Variants in WWOX observed in about 807,000 individuals in gnomAD.
WWOX encodes WW domain containing oxidoreductase.
WWOX carries 69 observed loss-of-function variants against 46.2 expected under a neutral mutation model. The observed-to-expected ratio is 1.49, with a 90% CI of 1.23 to 1.82. WWOX has a LOEUF of 1.82. Ranked by LOEUF, WWOX falls within the 40% of genes most tolerant of loss-of-function variation. The pLI is 0.00. For synonymous variants in WWOX, 359 were observed against 202.6 expected (o/e 1.77, Z -6.56); for missense variants, 919 against 542.6 (o/e 1.69, Z -6.89).
intron 8 of WWOX, among the ~76,000 whole-genome samples, chr16:78,844,882 C>G (rs1350210319): frequency 6.6e-6 from 1 of 152,172 alleles, no homozygotes; most frequent in African/African-American, 2.4e-5. Flanking sequence ...TGAGCATACA[C>G]CAAAGTGGCC....
At chr16:78,604,158 AAAATT>A (rs775762549) in intron 8 of WWOX, among the ~76,000 whole-genome samples, 5 of 152,098 alleles carry the variant, frequency 3.3e-5, no homozygotes, top group Non-Finnish European at 7.4e-5. Context: ...ATAAATAAAT[AAAATT>A]AGAATCTGAA....
Position 78,735,193 on chromosome 16 carries a change from A to G in WWOX, c.1056+302441A>G, listed in dbSNP as rs2049058111. ...GACATCAGTCTTTTCCTGCCTTCAG[A>G]CTTGAACTGAAGCATCAGCATTTCT... On this transcript the variant is annotated intron_variant, in intron 8 of 8. Transcript: ENST00000566780. Among the ~76,000 whole-genome samples, 4 of 152,034 alleles carry G rather than the reference A, an allele frequency of 2.6e-5. No individual in the cohort carries two copies. The South Asian group carries it at 8.4e-4, about 32-fold the overall frequency.
chr16:79,108,624 G>A (rs528675546), intron 8 of WWOX, among the ~76,000 whole-genome samples: 95 of 152,192 alleles, frequency 6.2e-4, no homozygotes, highest in African/African-American at 2.2e-3. Context: ...ATAGTTATTC[G>A]GGCATGGTGG....
At chr16:78,449,855 G>C (rs1010856764) in intron 8 of WWOX, among the ~76,000 whole-genome samples, 4 of 151,840 alleles carry the variant, frequency 2.6e-5, no homozygotes, top group African/African-American at 9.7e-5. Context: ...GTGTATTGCA[G>C]AATTTGGATT....
chr16:78,690,706 A>G (rs1044455578), intron 8 of WWOX, among the ~76,000 whole-genome samples: 2 of 152,178 alleles, frequency 1.3e-5, no homozygotes, highest in Admixed American at 6.5e-5. Context: ...GGTGCTTTCC[A>G]GTCACAGCCT....
At chr16:78,993,239 A>C in intron 8 of WWOX, among the ~76,000 whole-genome samples, 1 of 146,188 alleles carries the variant, frequency 6.8e-6, no homozygotes. Flanking sequence ...GCCGAGGATA[A>C]CGGCGCCGAA....
chr16:78,959,768 G>A (rs1214751280), intron 8 of WWOX, among the ~76,000 whole-genome samples: 1 of 152,078 alleles, frequency 6.6e-6, no homozygotes, highest in Non-Finnish European at 1.5e-5. Flanking sequence ...TGATGAATCC[G>A]AGACAAGTGA....
intron 8 of WWOX, among the ~76,000 whole-genome samples, chr16:78,677,328 A>G (rs1249067439): frequency 6.6e-6 from 1 of 152,186 alleles, no homozygotes; most frequent in East Asian, 1.9e-4. Context: ...CAGAGGTTGA[A>G]AACTCAATGT....
At chr16:78,595,380 G>C (rs967398454) in intron 8 of WWOX, among the ~76,000 whole-genome samples, 1 of 131,604 alleles carries the variant, frequency 7.6e-6, no homozygotes, top group Admixed American at 8.4e-5. Flanking sequence ...AACCCTCCCC[G>C]CTGACAGCCA....
intron 5 of WWOX, among the ~76,000 whole-genome samples, chr16:78,357,491 C>A (rs932811034): frequency 6.6e-6 from 1 of 152,124 alleles, no homozygotes; most frequent in African/African-American, 2.4e-5. Flanking sequence ...CTGTAACCTT[C>A]CTGCAACACT....
intron 8 of WWOX, among the ~76,000 whole-genome samples, chr16:78,961,832 C>G (rs1007426898): frequency 2.0e-5 from 3 of 152,174 alleles, no homozygotes; most frequent in African/African-American, 7.2e-5. Context: ...ATCTCTATTT[C>G]TGCTACATCT....
chr16:78,762,712 A>G lies in WWOX; in HGVS notation c.1056+329960A>G, dbSNP rs113585826. On this transcript the variant is annotated intron_variant, in intron 8 of 8. Coordinates refer to ENST00000566780, the MANE Select transcript of WWOX (RefSeq NM_016373.4). ...CTGTGGCTGAGAACAGCAGCTCTGA[A>G]TTTGCACTGTCTGGTTTCAAGTCCA... Among the ~76,000 whole-genome samples the G allele has an allele frequency of 4.8e-3, 734 of 152,250 alleles. 8 individuals are homozygous for G. The highest frequency in any genetic ancestry group is 0.016 in the African/African-American group (679 of 41,550).
chr16:78,964,414 G>T (rs887952379), intron 8 of WWOX, among the ~76,000 whole-genome samples: 3 of 152,198 alleles, frequency 2.0e-5, no homozygotes, highest in African/African-American at 7.2e-5. Flanking sequence ...AAAGAGACTG[G>T]CAGCATTTTG....
At chr16:78,270,653 T>C (rs2079459043) in intron 5 of WWOX, 1 of 152,196 alleles carries the variant, frequency 6.6e-6, no homozygotes, top group Non-Finnish European at 1.5e-5. Flanking sequence ...TCCTCAAAAC[T>C]TGGTAGCTAA....
At chr16:78,981,327 G>A (rs186973790) in intron 8 of WWOX, among the ~76,000 whole-genome samples, 7 of 152,282 alleles carry the variant, frequency 4.6e-5, no homozygotes, top group Admixed American at 2.0e-4. Context: ...TGCTGGGTGG[G>A]GGGGGAAAAC....
At chr16:78,726,699 T>C (rs1304292323) in intron 8 of WWOX, among the ~76,000 whole-genome samples, 5 of 139,952 alleles carry the variant, frequency 3.6e-5, no homozygotes, top group Non-Finnish European at 7.5e-5. Flanking sequence ...GGTTAGTTGG[T>C]TGGTTGGTTT....
chr16:79,091,174 C>T (rs1001982994), intron 8 of WWOX, among the ~76,000 whole-genome samples: 1 of 152,166 alleles, frequency 6.6e-6, no homozygotes, highest in East Asian at 1.9e-4. Flanking sequence ...ACCATAACCA[C>T]ATCCTTCCCC....
intron 5 of WWOX, among the ~76,000 whole-genome samples, chr16:78,311,539 A>G (rs993125652): frequency 1.3e-5 from 2 of 152,162 alleles, no homozygotes; most frequent in Non-Finnish European, 2.9e-5. Context: ...TAACTGTTTA[A>G]TGACTGGCAA....
chr16:78,902,975 G>T lies in WWOX; in HGVS notation c.1057-308633G>T, dbSNP rs567010812. Among the ~76,000 whole-genome samples, 5 of 152,316 alleles carry T rather than the reference G, an allele frequency of 3.3e-5. No individual in the cohort carries two copies. The South Asian group carries it at 8.3e-4, about 25-fold the overall frequency. On this transcript the variant is annotated intron_variant, in intron 8 of 8. Transcript: ENST00000566780. ...TCCACATTCCTGGATGAGTCCTTTT[G>T]TTACCAGCGGAGGGTGTCCGGGTTC...
Sources: gnomAD v4.1 joint callset for allele counts (sites outside exome capture counted in the v4.1 genomes callset) on GRCh38, gnomAD v4.1.1 for gene constraint, MANE v1.5 for transcripts, NCBI Gene and HGNC (gene_info 2026-07-23, HGNC 2026-07-21) for gene names.